Variants in SOX5 observed in about 807,000 individuals in gnomAD.
SOX5 encodes transcription factor SOX-5.
A neutral mutation model predicts 92.0 loss-of-function variants in SOX5; 9 were observed. The ratio of observed to expected loss-of-function variants is 0.10; its 90% CI spans 0.06 to 0.17. SOX5 has a LOEUF of 0.17. Among genes scored for constraint, SOX5 ranks in the 10% least tolerant of loss-of-function variants. SOX5 has a pLI of 1.00. For synonymous variants in SOX5, 344 were observed against 336.3 expected (o/e 1.02, Z -0.25); for missense variants, 642 against 944.5 (o/e 0.68, Z 4.20).
At chr12:24,446,515 T>C (rs1169307473) in intron 1 of SOX5, among the ~76,000 whole-genome samples, 1 of 152,132 alleles carries the variant, frequency 6.6e-6, no homozygotes, top group East Asian at 1.9e-4. Flanking sequence ...TCTTAAGAGA[T>C]GAGATCAGAG....
At chr12:23,951,171 C>T, upstream of SOX5, 1 of 407,574 alleles carries the variant, frequency 2.5e-6, no homozygotes, top group Non-Finnish European at 4.5e-6. Context: ...GAGGAAATTC[C>T]CTTCAAAGCC....
At chr12:23,791,833 AT>A (rs1594472538) in intron 3 of SOX5, among the ~76,000 whole-genome samples, 1 of 152,114 alleles carries the variant, frequency 6.6e-6, no homozygotes, top group East Asian at 1.9e-4. Context: ...AAATAGTGAA[AT>A]TAAAAAGTGA....
chr12:23,823,967 C>T lies in SOX5; in HGVS notation c.481+22016G>A, dbSNP rs553623725. On this transcript the variant is annotated intron_variant, in intron 3 of 14. Coordinates refer to ENST00000451604, the MANE Select transcript of SOX5 (RefSeq NM_006940.6). ...TGTGCTATGTTTTTCAGCTCCATCA[C>T]GTCATTTATGTTCTTCTCTAAACTG... Among the ~76,000 whole-genome samples, 16 of 152,288 alleles carry T rather than the reference C, an allele frequency of 1.1e-4. No homozygotes were observed. In the South Asian group the frequency reaches 2.5e-3, roughly 24 times the overall value.
At chr12:24,293,579 C>G (rs555893423) in intron 2 of SOX5, among the ~76,000 whole-genome samples, 50 of 151,370 alleles carry the variant, frequency 3.3e-4, no homozygotes, top group Non-Finnish European at 4.4e-5. Context: ...ACTGGTTATG[C>G]AGTTTATAAA....
chr12:23,900,724 C>A (rs1167578044), intron 1 of SOX5, among the ~76,000 whole-genome samples: 2 of 152,062 alleles, frequency 1.3e-5, no homozygotes, highest in African/African-American at 4.8e-5. Context: ...GCCTGTAATC[C>A]CAGCACTCTG....
In SOX5 at chr12:23,816,285, C is replaced by T. The variant is rs1398528685; in HGVS notation, c.481+29698G>A. Among the ~76,000 whole-genome samples, 7 of 151,582 alleles carry T rather than the reference C, an allele frequency of 4.6e-5. No homozygotes were observed. The East Asian group carries it at 1.4e-3, about 30-fold the overall frequency. ...AGTGCAGTGGCACAATCTTGGCTCA[C>T]CACAACCTCCACCTCCAGGGTTCAA... On this transcript the variant is annotated intron_variant, in intron 3 of 14. Transcript: ENST00000451604.
chr12:24,175,772 TA>T (rs1234862474), intron 4 of SOX5, among the ~76,000 whole-genome samples: 1 of 152,158 alleles, frequency 6.6e-6, no homozygotes, highest in African/African-American at 2.4e-5. Flanking sequence ...GTATGGACTG[TA>T]AGATACATCA....
At chr12:23,554,858 AG>A (rs1944849276) in intron 11 of SOX5, among the ~76,000 whole-genome samples, 2 of 152,180 alleles carry the variant, frequency 1.3e-5, no homozygotes, top group Non-Finnish European at 2.9e-5. Flanking sequence ...TACTAAATAT[AG>A]AGAGTAACTG....
intron 3 of SOX5, among the ~76,000 whole-genome samples, chr12:23,821,930 G>A (rs1418306652): frequency 5.6e-5 from 6 of 107,934 alleles, no homozygotes; most frequent in East Asian, 1.6e-3. Context: ...AGTATTCTCC[G>A]ATATATATAT....
At chr12:24,537,366 G>T (rs760878480) in intron 1 of SOX5, among the ~76,000 whole-genome samples, 14 of 152,214 alleles carry the variant, frequency 9.2e-5, no homozygotes, top group Non-Finnish European at 1.9e-4. Context: ...TGAAGGCAGA[G>T]TCAGTGTTCC....
intron 4 of SOX5, among the ~76,000 whole-genome samples, chr12:24,083,665 A>G (rs953328161): frequency 6.6e-6 from 1 of 152,084 alleles, no homozygotes; most frequent in African/African-American, 2.4e-5. Flanking sequence ...GCATCGTGCT[A>G]AATTTATTAG....
intron 4 of SOX5, among the ~76,000 whole-genome samples, chr12:23,995,355 A>T (rs1434429146): frequency 6.6e-6 from 1 of 152,178 alleles, no homozygotes; most frequent in African/African-American, 2.4e-5. Flanking sequence ...TTCATAAATA[A>T]TTTGCAAAGC....
At chr12:23,796,037 G>A (rs1004231461) in intron 3 of SOX5, among the ~76,000 whole-genome samples, 3 of 152,098 alleles carry the variant, frequency 2.0e-5, no homozygotes, top group Non-Finnish European at 2.9e-5. Context: ...ATAAAGGGGA[G>A]TCTAGAAAAC....
At chr12:24,247,640 ATTTAC>A in intron 3 of SOX5, among the ~76,000 whole-genome samples, 1 of 109,372 alleles carries the variant, frequency 9.1e-6, no homozygotes, top group African/African-American at 3.5e-5. Flanking sequence ...TGATTTATTT[ATTTAC>A]TTTTTTTTTT....
intron 1 of SOX5, among the ~76,000 whole-genome samples, chr12:24,442,309 T>C (rs1277096478): frequency 2.0e-5 from 3 of 152,216 alleles, no homozygotes; most frequent in African/African-American, 7.2e-5. Context: ...TCAACAAACA[T>C]TTGTTTAGTT....
chr12:24,414,342 C>G (rs1017984397), intron 1 of SOX5, among the ~76,000 whole-genome samples: 1 of 152,104 alleles, frequency 6.6e-6, no homozygotes, highest in East Asian at 1.9e-4. Flanking sequence ...TATGAACAAA[C>G]AGTGGATCCC....
intron 1 of SOX5, among the ~76,000 whole-genome samples, chr12:24,462,019 T>C (rs558900611): frequency 3.9e-5 from 6 of 152,330 alleles, no homozygotes; most frequent in Non-Finnish European, 8.8e-5. Flanking sequence ...CGCACAGGAT[T>C]ATCTGAGGAT....
chr12:23,706,308 T>C (rs1220159180), intron 6 of SOX5, among the ~76,000 whole-genome samples: 1 of 152,120 alleles, frequency 6.6e-6, no homozygotes, highest in East Asian at 1.9e-4. Flanking sequence ...TACACACTAT[T>C]GGAACTAAGA....
rs34975795 is a variant in SOX5 at position 23,674,336 on chromosome 12, A to ATTTTTTTTTTTTTTTTTTTTTTTTTTT, written c.811-8773_811-8772insAAAAAAAAAAAAAAAAAAAAAAAAAAA. On this transcript the variant is annotated intron_variant, in intron 6 of 14. Transcript: ENST00000451604. ...AAATATTTTCTTACCATAAAAAGGAATTTTTTTTTTTTTTTTTTGAGACGG... is the reference window on the plus strand; with the variant it reads ...AAATATTTTCTTACCATAAAAAGGAATTTTTTTTTTTTTTTTTTTTTTTTTTTTTTTTTTTTTTTTTTTTTGAGACGG... Among the ~76,000 whole-genome samples the ATTTTTTTTTTTTTTTTTTTTTTTTTTT allele has an allele frequency of 2.2e-4, 21 of 97,378 alleles. 3 individuals carry two copies. The highest frequency in any genetic ancestry group is 8.9e-4 in the African/African-American group (21 of 23,632). 63.9% of individuals were successfully genotyped at this position (97,378 alleles called of 152,430 possible). A position where few individuals can be genotyped will look rare whatever the true frequency, so the allele number is the denominator to read the frequency against.
Sources: gnomAD v4.1 joint callset for allele counts (sites outside exome capture counted in the v4.1 genomes callset) on GRCh38, gnomAD v4.1.1 for gene constraint, MANE v1.5 for transcripts, NCBI Gene and HGNC (gene_info 2026-07-23, HGNC 2026-07-21) for gene names.